PADI6: variants seen among roughly 807,000 people sequenced by gnomAD.
PADI6 encodes the protein peptidyl arginine deiminase 6.
In PADI6, 66 loss-of-function variants were observed where a neutral mutation model predicts 78.2. That is an observed-to-expected ratio of 0.84 (90% CI 0.69 to 1.04). The LOEUF is 1.04. Among genes scored for constraint, PADI6 ranks in the 50% least tolerant of loss-of-function variants. The pLI, the probability that PADI6 is intolerant of heterozygous loss-of-function variation, is 0.00. For missense variants in PADI6, 854 were observed against 866.1 expected (o/e 0.99, Z 0.18); for synonymous variants, 397 against 346.9 (o/e 1.14, Z -1.60).
chr1:17,374,691 G>T (rs557336599), intron 2 of PADI6, among the ~76,000 whole-genome samples: 2 of 152,178 alleles, frequency 1.3e-5, no homozygotes, highest in African/African-American at 4.8e-5. Flanking sequence ...CAGACTACCT[G>T]AGAACCATTC....
rs755798854 is a variant in PADI6 at position 17,394,329 on chromosome 1, C to T, written c.1212C>T (p.Asp404=). ...LSPGIGYMIQ[D]TEDHKVASMD... The stretch of plus-strand genomic sequence containing the variant: ...CTGGTATTGGCTACATGATCCAGGA[C>T]ACTGAGGACCATAAAGTGGCCAGCA... The change falls in exon 11 of 16, where the codon GAC becomes GAT. Residue 404 remains aspartate (D), a synonymous_variant. Coordinates refer to ENST00000619609, the MANE Select transcript of PADI6 (RefSeq NM_207421.4). 1.2e-6 allele frequency: 2 copies of T among 1,613,900 alleles called. No homozygotes were observed. The highest frequency in any genetic ancestry group is 1.6e-4 in the Middle Eastern group (1 of 6,062).
Position 17,388,490 on chromosome 1 carries a change from A to C in PADI6, c.789A>C (p.Ala263=), listed in dbSNP as rs372601230. 4 of 1,613,632 alleles carry C rather than the reference A, an allele frequency of 2.5e-6. No homozygotes were observed. Among genetic ancestry groups the C allele is most frequent in the African/African-American group, 1.3e-5 (1 of 74,924 alleles). The change falls in exon 7 of 16, where the codon GCA becomes GCC. Residue 263 remains alanine, a synonymous_variant. Transcript: ENST00000619609. ...LKETFYVEAI[A]FPSAEFSGLI... ...AGACTTTCTACGTTGAAGCTATAGCATTCCCATCTGCCGAATTCTCAGGCC... is the reference window on the plus strand; with the variant it reads ...AGACTTTCTACGTTGAAGCTATAGCCTTCCCATCTGCCGAATTCTCAGGCC...
At chr1:17,373,500 A>T (rs1018859468) in intron 2 of PADI6, among the ~76,000 whole-genome samples, 271 of 109,562 alleles carry the variant, frequency 2.5e-3, no homozygotes, top group African/African-American at 8.2e-3. Flanking sequence ...TTTATTTATT[A>T]TTATTTTTTT....
intron 15 of PADI6, among the ~76,000 whole-genome samples, chr1:17,399,223 A>G (rs2075277280): frequency 6.6e-6 from 1 of 152,216 alleles, no homozygotes; most frequent in Non-Finnish European, 1.5e-5. Flanking sequence ...TGAGCAACCT[A>G]CCTCAGGGTG....
chr1:17,389,150 C>T (rs772236520), intron 8 of PADI6, among the ~76,000 whole-genome samples: 2 of 152,160 alleles, frequency 1.3e-5, no homozygotes, highest in Non-Finnish European at 2.9e-5. Context: ...TGCTCTAAAG[C>T]AGGGTGAAGA....
intron 4 of PADI6, among the ~76,000 whole-genome samples, chr1:17,380,555 G>T (rs1025558193): frequency 6.6e-6 from 1 of 152,096 alleles, no homozygotes; most frequent in African/African-American, 2.4e-5. Flanking sequence ...ATTTTTAGTA[G>T]AGACGAGGTT....
chr1:17,383,616 G>A (rs1040431182), intron 6 of PADI6, among the ~76,000 whole-genome samples: 2 of 152,234 alleles, frequency 1.3e-5, no homozygotes, highest in African/African-American at 4.8e-5. Flanking sequence ...GGGAGGCTGA[G>A]GCAGATGGAT....
At chr1:17,389,431 C>T (rs1411561223) in intron 8 of PADI6, among the ~76,000 whole-genome samples, 1 of 152,140 alleles carries the variant, frequency 6.6e-6, no homozygotes, top group Non-Finnish European at 1.5e-5. Context: ...TTATGCTTTC[C>T]CCTGGGGTGG....
rs1365982078 is a variant in PADI6 at position 17,394,450 on chromosome 1, C to T, written c.1333C>T (p.Pro445Ser). The change falls in exon 11 of 16, where the codon CCC (proline) becomes TCC (serine). Residue 445 changes from proline (P) to serine (S), a missense_variant. By Grantham distance (74) the Pro-to-Ser change is moderately conservative (BLOSUM62 -1). Coordinates refer to ENST00000619609, the MANE Select transcript of PADI6 (RefSeq NM_207421.4). ...AGTCCTCATTGGCAGCAGCTTTTACCCCAGGTGAGCCACAAAGCCAGACGC... is the reference window on the plus strand; with the variant it reads ...AGTCCTCATTGGCAGCAGCTTTTACTCCAGGTGAGCCACAAAGCCAGACGC... The part of the protein sequence containing the change: ...GRVLIGSSFY[P>S]SAEGRAMSKT... 1.9e-6 allele frequency: 3 copies of T among 1,612,214 alleles called. No individual in the cohort carries two copies. The highest frequency in any genetic ancestry group is 2.5e-6 in the Non-Finnish European group (3 of 1,178,968).
Position 17,382,107 on chromosome 1 carries a change from G to A in PADI6, c.679+15G>A. The A allele has an allele frequency of 6.2e-7, 1 of 1,612,414 alleles. No homozygotes were observed. Among genetic ancestry groups the A allele is most frequent in the Non-Finnish European group, 8.5e-7 (1 of 1,178,950 alleles). On this transcript the variant is annotated intron_variant, in intron 6 of 15. Transcript: ENST00000619609. ...CTGGCCCCAAAGTGAGTGTTCTTGT[G>A]CCAGCTCCAGCTTTGCCTGCTCTCG... is the stretch of plus-strand genomic sequence containing the variant.
At chr1:17,394,192 G>C (rs1031826474) in intron 10 of PADI6, 108 bp from the exon 11 acceptor site, 24 of 1,423,348 alleles carry the variant, frequency 1.7e-5, no homozygotes, top group South Asian at 4.8e-5. Context: ...GGCCTCTGAG[G>C]GGGGAGGGGA....
At position 17,398,795 on chromosome 1, in the gene PADI6, C is replaced by G; in HGVS notation, c.1799C>G (p.Pro600Arg). ...TGCTTGGAGAAGCTGACTAACATCC[C>G]CTCTGACCAGCAGCCCAAGAGGTCC... is the stretch of plus-strand genomic sequence containing the variant. The part of the protein sequence containing the change: ...LFCLEKLTNI[P>R]SDQQPKRSFA... The change falls in exon 15 of 16, where the codon CCC becomes CGC. Residue 600 changes from proline to arginine, a missense_variant. Transcript: ENST00000619609. 6.2e-7 allele frequency: 1 copy of G among 1,613,298 alleles called. No individual in the cohort carries two copies. Among genetic ancestry groups the G allele is most frequent in the East Asian group, 2.2e-5 (1 of 44,818 alleles).
chr1:17,380,769 C>T (rs769296202), intron 4 of PADI6, among the ~76,000 whole-genome samples: 10 of 152,148 alleles, frequency 6.6e-5, no homozygotes, highest in East Asian at 1.9e-4. Flanking sequence ...CCAGGTGGCA[C>T]GTCTCTTTTC....
In PADI6 at chr1:17,373,044, C is replaced by CG. The variant is rs1557593863; in HGVS notation, c.117-9dup. 6.2e-7 allele frequency: 1 copy of CG among 1,611,076 alleles called. No individual in the cohort carries two copies. Among genetic ancestry groups the CG allele is most frequent in the Admixed American group, 1.7e-5 (1 of 59,926 alleles). On this transcript the variant is annotated splice_polypyrimidine_tract_variant and intron_variant, in intron 1 of 15. Coordinates refer to ENST00000619609, the MANE Select transcript of PADI6 (RefSeq NM_207421.4). The stretch of plus-strand genomic sequence containing the variant: ...TTGTGCCCTGACGCGTGTCTCTTAC[C>CG]GGGCAAACCAGGTGTGCCCCCCAGA...
chr1:17,383,131 C>T (rs533075630), intron 6 of PADI6, among the ~76,000 whole-genome samples: 93 of 152,338 alleles, frequency 6.1e-4, no homozygotes, highest in African/African-American at 1.7e-3. Flanking sequence ...AGCTACGCAA[C>T]GCAGGGAGCT....
At chr1:17,395,769 G>A in intron 13 of PADI6, 106 bp downstream of exon 13, 3 of 1,402,260 alleles carry the variant, frequency 2.1e-6, no homozygotes, top group Admixed American at 2.5e-5. Flanking sequence ...TGCCAGGGAA[G>A]CACAGAAGCT....
chr1:17,390,485 T>C lies in PADI6; in HGVS notation c.962+1605T>C, dbSNP rs1016631479. Among the ~76,000 whole-genome samples the C allele has an allele frequency of 3.7e-4, 55 of 149,470 alleles. 1 individual carries two copies. In the Admixed American group the frequency reaches 3.7e-3, roughly 10 times the overall value. ...CAGGCATGGTGGTGCACCCCAGTAATCCCAGCTACTCGGGAGGCTGAGGCA... is the reference window on the plus strand; with the variant it reads ...CAGGCATGGTGGTGCACCCCAGTAACCCCAGCTACTCGGGAGGCTGAGGCA... On this transcript the variant is annotated intron_variant, in intron 8 of 15. Coordinates refer to ENST00000619609, the MANE Select transcript of PADI6 (RefSeq NM_207421.4).
At chr1:17,377,365 C>G (rs1028980535) in intron 3 of PADI6, among the ~76,000 whole-genome samples, 1 of 151,986 alleles carries the variant, frequency 6.6e-6, no homozygotes, top group African/African-American at 2.4e-5. Context: ...TTCTCAGAAC[C>G]CTTTGGAGCT....
intron 3 of PADI6, among the ~76,000 whole-genome samples, chr1:17,377,827 A>G (rs1039282354): frequency 6.6e-6 from 1 of 152,044 alleles, no homozygotes; most frequent in African/African-American, 2.4e-5. Flanking sequence ...TCTGACTAAG[A>G]CCTCTAGCCT....
Sources: allele counts gnomAD v4.1 joint callset (sites outside exome capture counted in the v4.1 genomes callset), GRCh38; gene constraint gnomAD v4.1.1; transcripts MANE v1.5; gene names NCBI Gene and HGNC (gene_info 2026-07-23, HGNC 2026-07-21).